Variants in GNAS observed in about 807,000 individuals in gnomAD.
GNAS encodes GNAS complex locus.
Under a neutral mutation model 54.5 loss-of-function variants are expected in GNAS, and 8 were observed. That is an observed-to-expected ratio of 0.15 (90% confidence interval 0.09 to 0.26). The LOEUF (loss-of-function observed/expected upper bound fraction) is 0.26. Among genes scored for constraint, GNAS ranks in the 10% least tolerant of loss-of-function variants. The pLI is 1.00. For synonymous variants in GNAS, 204 were observed against 191.4 expected (o/e 1.07, Z -0.54); for missense variants, 170 against 529.8 (o/e 0.32, Z 6.67).
At position 58,854,894 on chromosome 20, in the gene GNAS, G is replaced by A. The variant is rs2086390703; in HGVS notation, c.43+14008G>A. ...TCCAGGCTGCCGATCCGCCTACTCC[G>A]CGGCCTACTCGCGCGTCTGCCTGGC... On this transcript the variant is annotated intron_variant, in intron 1 of 12. Transcript: ENST00000306090. The A allele has an allele frequency of 3.8e-6, 6 of 1,594,254 alleles. No individual in the cohort carries two copies. The highest frequency in any genetic ancestry group is 3.4e-5 in the Admixed American group (2 of 58,018).
chr20:58,902,887 A>G (rs978663026), intron 3 of GNAS: 5 of 164,706 alleles, frequency 3.0e-5, no homozygotes, highest in African/African-American at 1.2e-4. Context: ...GCATGCCACC[A>G]TGCCCAGCTA....
Position 58,853,702 on chromosome 20 carries a change from G to C in GNAS, c.43+12816G>C, listed in dbSNP as rs2086280811. 3.7e-6 allele frequency: 6 copies of C among 1,613,726 alleles called. No individual in the cohort carries two copies. The highest frequency in any genetic ancestry group is 5.1e-6 in the Non-Finnish European group (6 of 1,179,906). On this transcript the variant is annotated intron_variant, in intron 1 of 12. Transcript: ENST00000306090. This position sits in a 1 kb window ranked among gnomAD's most constrained non-coding sequence, Gnocchi z 4.4. ...CTCATGGAGCCCGGAGCCTTCAGTG[G>C]TGCCAGACCAGGCCTGGGAGGATAC...
intron 3 of GNAS, among the ~76,000 whole-genome samples, chr20:58,902,516 G>A (rs2090707271): frequency 1.3e-5 from 2 of 152,140 alleles, no homozygotes; most frequent in Admixed American, 6.5e-5. Context: ...GCCATCCCAT[G>A]TGGCTGAGTT....
At chr20:58,861,070 C>T (rs1160186041) in intron 1 of GNAS, among the ~76,000 whole-genome samples, 3 of 152,152 alleles carry the variant, frequency 2.0e-5, no homozygotes, top group Non-Finnish European at 4.4e-5. Context: ...GTTAGTTTTT[C>T]CTCCAAATAA....
intron 1 of GNAS, among the ~76,000 whole-genome samples, chr20:58,881,561 T>A (rs2088222957): frequency 6.6e-6 from 1 of 152,148 alleles, no homozygotes; most frequent in South Asian, 2.1e-4. Context: ...AGAGTTCCCC[T>A]CTTACTACAT....
At chr20:58,874,852 A>G (rs573872235) in intron 1 of GNAS, among the ~76,000 whole-genome samples, 1 of 152,348 alleles carries the variant, frequency 6.6e-6, no homozygotes, top group South Asian at 2.1e-4. Context: ...ATATTCAAAT[A>G]CTATAATTAA....
intron 1 of GNAS, among the ~76,000 whole-genome samples, chr20:58,852,081 C>G (rs528918165): frequency 6.6e-6 from 1 of 152,220 alleles, no homozygotes; most frequent in East Asian, 1.9e-4. Flanking sequence ...AGGTCCTCCT[C>G]TGCGCAGCAC....
rs1323516537 is a variant in GNAS at position 58,895,519 on chromosome 20, T to C, written c.140-93T>C. 5.0e-6 allele frequency: 4 copies of C among 795,180 alleles called. No individual in the cohort carries two copies. In the African/African-American group the frequency reaches 5.1e-5, roughly 10 times the overall value. The allele number at this position is 795,180 out of a possible 1,614,324, so 49.3% of individuals were successfully genotyped here. A position where few individuals can be genotyped will look rare whatever the true frequency, so the allele number is the denominator to read the frequency against. Reference sequence around the variant, plus strand: ...TTGTGTTTGGTTTTTTGCATGTTGCTTCTATGGAAAAACAAAACAACAACA... The same window carrying C: ...TTGTGTTTGGTTTTTTGCATGTTGCCTCTATGGAAAAACAAAACAACAACA... On this transcript the variant is annotated intron_variant, in intron 1 of 12. Transcript: ENST00000371085.
At chr20:58,905,047 T>C (rs2090947208) in intron 5 of GNAS, among the ~76,000 whole-genome samples, 1 of 152,198 alleles carries the variant, frequency 6.6e-6, no homozygotes, top group Admixed American at 6.5e-5. Context: ...TATTGGCATA[T>C]TCTAACACAT....
At chr20:58,869,599 A>G (rs941986581) in intron 1 of GNAS, among the ~76,000 whole-genome samples, 9 of 152,262 alleles carry the variant, frequency 5.9e-5, no homozygotes, top group Non-Finnish European at 7.3e-5. Flanking sequence ...GAGATGAAGT[A>G]GAATTTGAGG....
At chr20:58,890,950 C>T (rs926116240), upstream of GNAS, among the ~76,000 whole-genome samples, 1 of 151,514 alleles carries the variant, frequency 6.6e-6, no homozygotes, top group East Asian at 2.0e-4. Flanking sequence ...GGCGCGCGCT[C>T]CCTCCCCTTC....
rs1047103815 is a variant in GNAS at position 58,841,166 on chromosome 20, C to G, written c.43+280C>G. On this transcript the variant is annotated intron_variant, in intron 1 of 12. Coordinates refer to the GNAS transcript ENST00000306090. This position sits in a 1 kb window ranked among gnomAD's most constrained non-coding sequence, Gnocchi z 5.0. ...GGTCTCCGAGCTGGTGCCCCGGCTACGCGACTGAATCCCGAACGCACCCCA... is the reference window on the plus strand; with the variant it reads ...GGTCTCCGAGCTGGTGCCCCGGCTAGGCGACTGAATCCCGAACGCACCCCA... Among the ~76,000 whole-genome samples, 4 of 152,164 alleles carry G rather than the reference C, an allele frequency of 2.6e-5. No homozygotes were observed. The highest frequency in any genetic ancestry group is 9.6e-5 in the African/African-American group (4 of 41,454).
intron 1 of GNAS, among the ~76,000 whole-genome samples, chr20:58,865,780 A>G (rs1254699595): frequency 6.6e-6 from 1 of 151,998 alleles, no homozygotes; most frequent in Non-Finnish European, 1.5e-5. Flanking sequence ...GAAGAAAGTG[A>G]CCCAGATGAC....
At chr20:58,855,008 C>A (rs372532753) in intron 1 of GNAS, 11 of 1,612,644 alleles carry the variant, frequency 6.8e-6, no homozygotes, top group African/African-American at 2.7e-5. Context: ...GAGACGAGTC[C>A]GACGATGGGA....
chr20:58,889,337 G>A (rs2088880859), upstream of GNAS: 1 of 987,282 alleles, frequency 1.0e-6, no homozygotes. Context: ...TTGCGTGTGA[G>A]TGCACCTCAC....
At chr20:58,840,512 G>A (rs2085677036), upstream of GNAS, 3 of 1,613,422 alleles carry the variant, frequency 1.9e-6, no homozygotes, top group African/African-American at 1.3e-5. This position sits in a 1 kb window ranked among gnomAD's most constrained non-coding sequence, Gnocchi z 6.0. Flanking sequence ...CCCCACCACT[G>A]AGCCCGAGAC....
intron 1 of GNAS, among the ~76,000 whole-genome samples, chr20:58,872,205 C>T (rs1290386757): frequency 6.6e-6 from 1 of 152,272 alleles, no homozygotes; most frequent in Non-Finnish European, 1.5e-5. Flanking sequence ...AAACGATGGT[C>T]CAATTTTTGT....
rs2091265813 is a variant in GNAS at position 58,909,123 on chromosome 20, G to A, written c.531-39G>A. ...ACAAATAGTTGGCAAATTGATGTGA[G>A]CGCTGTGAACACCCCACGTGTCTTT... On this transcript the variant is annotated intron_variant, in intron 6 of 12. Coordinates refer to ENST00000371085, the MANE Select transcript of GNAS (RefSeq NM_000516.7). This position sits in a 1 kb window ranked among gnomAD's most constrained non-coding sequence, Gnocchi z 7.3. 5 of 1,574,940 alleles carry A rather than the reference G, an allele frequency of 3.2e-6. No individual in the cohort carries two copies. Among genetic ancestry groups the A allele is most frequent in the Non-Finnish European group, 3.5e-6 (4 of 1,144,448 alleles).
intron 3 of GNAS, among the ~76,000 whole-genome samples, chr20:58,902,711 C>T (rs2090733263): frequency 7.0e-6 from 1 of 142,244 alleles, no homozygotes; most frequent in African/African-American, 2.7e-5. Flanking sequence ...GTGCCTGGAG[C>T]ATCGCACATA....
Sources: allele counts gnomAD v4.1 joint callset (sites outside exome capture counted in the v4.1 genomes callset), GRCh38; gene constraint gnomAD v4.1.1; non-coding constraint Gnocchi (gnomAD v3.1); transcripts MANE v1.5; gene names NCBI Gene and HGNC (gene_info 2026-07-23, HGNC 2026-07-21).